NR2F1-AS1: variants seen among roughly 807,000 people sequenced by gnomAD.
The protein encoded by NR2F1-AS1 is NR2F1 antisense RNA 1.
At chr5:93,534,031 G>A (rs1000973519) in intron 4 of NR2F1-AS1, among the ~76,000 whole-genome samples, 2 of 152,128 alleles carry the variant, frequency 1.3e-5, no homozygotes, top group African/African-American at 2.4e-5. Context: ...GTAGTGAGCC[G>A]ACATTGTGCC....
intron 4 of NR2F1-AS1, among the ~76,000 whole-genome samples, chr5:93,479,763 G>A (rs1421269688): frequency 6.6e-6 from 1 of 151,804 alleles, no homozygotes; most frequent in East Asian, 1.9e-4. Context: ...AAGAATTAAA[G>A]GAAACCATGA....
chr5:93,463,474 C>A (rs901781358), intron 4 of NR2F1-AS1, among the ~76,000 whole-genome samples: 2 of 152,196 alleles, frequency 1.3e-5, no homozygotes, highest in Non-Finnish European at 2.9e-5. Flanking sequence ...TTGAAGCCCC[C>A]ACAGAGAGTC....
intron 4 of NR2F1-AS1, among the ~76,000 whole-genome samples, chr5:93,534,413 A>C (rs1183946342): frequency 6.6e-6 from 1 of 152,224 alleles, no homozygotes; most frequent in Non-Finnish European, 1.5e-5. Context: ...CTTTTCTAAG[A>C]TGAAATATTA....
At chr5:93,478,199 A>C (rs1284658891) in intron 4 of NR2F1-AS1, among the ~76,000 whole-genome samples, 1 of 152,186 alleles carries the variant, frequency 6.6e-6, no homozygotes, top group Non-Finnish European at 1.5e-5. Context: ...GTAGAAAGAC[A>C]TACAATATGG....
rs144079259 is a variant in NR2F1-AS1 at position 93,504,808 on chromosome 5, G to A, written n.638+48953C>T. On this transcript the variant is annotated intron_variant and non_coding_transcript_variant, in intron 4 of 5. Coordinates refer to ENST00000660523, the Ensembl canonical transcript of NR2F1-AS1. ...CCCCTGGGTCCCTCCCACAATACAT[G>A]GGAATTCTGGGAGATACAATTCAAG... 2.0e-3 allele frequency among the ~76,000 whole-genome samples: 303 copies of A among 152,130 alleles called. 2 individuals carry two copies. Among genetic ancestry groups the A allele is most frequent in the Non-Finnish European group, 3.6e-3 (242 of 68,006 alleles).
At chr5:93,585,009 C>T, upstream of NR2F1-AS1, 1 of 1,001,356 alleles carries the variant, frequency 1.0e-6, no homozygotes, top group Non-Finnish European at 1.2e-6. Flanking sequence ...CCCAGCGCTC[C>T]CCGGGCCCAA....
At chr5:93,551,495 CAA>C (rs1053413924) in intron 4 of NR2F1-AS1, among the ~76,000 whole-genome samples, 1 of 151,972 alleles carries the variant, frequency 6.6e-6, no homozygotes, top group African/African-American at 2.4e-5. Flanking sequence ...GAGTGTTTTT[CAA>C]AGTGTAAACT....
chr5:93,475,404 C>T (rs547432278), intron 4 of NR2F1-AS1, among the ~76,000 whole-genome samples: 29 of 152,128 alleles, frequency 1.9e-4, no homozygotes, highest in Non-Finnish European at 3.8e-4. Context: ...TTTTCTTCAC[C>T]TGTTTGTTTG....
At chr5:93,548,632 G>C (rs1752145543) in intron 4 of NR2F1-AS1, among the ~76,000 whole-genome samples, 1 of 152,096 alleles carries the variant, frequency 6.6e-6, no homozygotes, top group Non-Finnish European at 1.5e-5. Flanking sequence ...GGAGGCCAAG[G>C]TGGGTGGATC....
At chr5:93,553,173 A>G (rs942617317) in intron 4 of NR2F1-AS1, among the ~76,000 whole-genome samples, 2 of 138,506 alleles carry the variant, frequency 1.4e-5, no homozygotes, top group African/African-American at 5.5e-5. Flanking sequence ...TCTGTCACCC[A>G]GGCCGGAGTG....
At chr5:93,529,740 T>C (rs991371368) in intron 4 of NR2F1-AS1, among the ~76,000 whole-genome samples, 2 of 152,088 alleles carry the variant, frequency 1.3e-5, no homozygotes, top group African/African-American at 4.8e-5. Flanking sequence ...AAAATATAAA[T>C]AATAAATTGC....
intron 4 of NR2F1-AS1, among the ~76,000 whole-genome samples, chr5:93,516,796 C>T (rs766278271): frequency 4.3e-4 from 65 of 151,902 alleles, no homozygotes; most frequent in Non-Finnish European, 7.1e-4. Flanking sequence ...CAGTGTATTT[C>T]TGTGAGTTTA....
At chr5:93,475,219 T>G (rs61551988) in intron 4 of NR2F1-AS1, among the ~76,000 whole-genome samples, 1,897 of 151,966 alleles carry the variant, frequency 0.012, 46 homozygotes, top group African/African-American at 0.043. Flanking sequence ...GTACCTGTCA[T>G]CAGGGACTCA....
intron 2 of NR2F1-AS1, among the ~76,000 whole-genome samples, chr5:93,556,013 C>A (rs1475962096): frequency 6.6e-6 from 1 of 152,054 alleles, no homozygotes; most frequent in Admixed American, 6.6e-5. Context: ...AAGAGCCTCA[C>A]CCAGGATCCC....
chr5:93,487,837 C>T (rs768991036), intron 4 of NR2F1-AS1, among the ~76,000 whole-genome samples: 30 of 152,136 alleles, frequency 2.0e-4, no homozygotes, highest in Non-Finnish European at 7.3e-5. Flanking sequence ...TCCCTGACTT[C>T]AAACTATACT....
At chr5:93,549,104 A>G (rs1369863098) in intron 4 of NR2F1-AS1, among the ~76,000 whole-genome samples, 3 of 152,168 alleles carry the variant, frequency 2.0e-5, no homozygotes, top group Non-Finnish European at 2.9e-5. Context: ...TTTAACTACT[A>G]AGCATAAAAT....
intron 4 of NR2F1-AS1, among the ~76,000 whole-genome samples, chr5:93,412,627 C>T (rs1308434106): frequency 3.9e-5 from 6 of 152,210 alleles, no homozygotes; most frequent in African/African-American, 9.6e-5. Flanking sequence ...ACTGGATTTT[C>T]GGTTTCCTAC....
chr5:93,491,890 C>T (rs950847891), intron 4 of NR2F1-AS1, among the ~76,000 whole-genome samples: 8 of 152,154 alleles, frequency 5.3e-5, no homozygotes, highest in African/African-American at 1.7e-4. Context: ...GGGCTTTCTT[C>T]GTTATCCAGC....
At chr5:93,436,066 A>T (rs1162488935) in intron 4 of NR2F1-AS1, among the ~76,000 whole-genome samples, 1 of 152,186 alleles carries the variant, frequency 6.6e-6, no homozygotes, top group East Asian at 1.9e-4. Context: ...ATCAATAAAT[A>T]TGAAATCAAA....
Sources: gnomAD v4.1 joint callset for allele counts (sites outside exome capture counted in the v4.1 genomes callset) on GRCh38, gnomAD v4.1.1 for gene constraint, MANE v1.5 for transcripts, NCBI Gene and HGNC (gene_info 2026-07-23, HGNC 2026-07-21) for gene names.